Variants in PPP6R3 observed in about 807,000 individuals in gnomAD.
The protein encoded by PPP6R3 is protein phosphatase 6 regulatory subunit 3.
In PPP6R3, 38 loss-of-function variants were observed where a neutral mutation model predicts 110.7. The ratio of observed to expected loss-of-function variants is 0.34; its 90% CI spans 0.26 to 0.45. The LOEUF (loss-of-function observed/expected upper bound fraction) is 0.45. Among genes scored for constraint, PPP6R3 ranks in the 20% least tolerant of loss-of-function variants. The pLI is 1.00. For synonymous variants in PPP6R3, 369 were observed against 373.5 expected (o/e 0.99, Z 0.14); for missense variants, 870 against 1,062.4 (o/e 0.82, Z 2.52).
At chr11:68,505,228 A>G (rs1027746866) in intron 1 of PPP6R3, 2 of 152,098 alleles carry the variant, frequency 1.3e-5, no homozygotes, top group African/African-American at 4.8e-5. Flanking sequence ...GTCATATAAT[A>G]CCCTTGTGTC....
chr11:68,571,675 G>T (rs142944275), intron 12 of PPP6R3, among the ~76,000 whole-genome samples: 1 of 152,320 alleles, frequency 6.6e-6, no homozygotes, highest in African/African-American at 2.4e-5. Context: ...CCTCTCTAGT[G>T]CCCTGGAAGC....
intron 18 of PPP6R3, among the ~76,000 whole-genome samples, chr11:68,595,297 C>G (rs977432245): frequency 6.9e-6 from 1 of 145,542 alleles, no homozygotes; most frequent in Non-Finnish European, 1.5e-5. Context: ...CTCACTGCAG[C>G]CTCTGCCTCC....
At chr11:68,591,789 C>T in intron 18 of PPP6R3, 83 bp downstream of exon 18, 1 of 1,427,116 alleles carries the variant, frequency 7.0e-7, no homozygotes, top group Non-Finnish European at 9.3e-7. Context: ...GTGTCATCAC[C>T]AAACATACAT....
chr11:68,473,023 A>G (rs562682997), intron 1 of PPP6R3, among the ~76,000 whole-genome samples: 2 of 152,292 alleles, frequency 1.3e-5, no homozygotes, highest in South Asian at 2.1e-4. Context: ...TTTGAAATAT[A>G]TAGTTGATTT....
intron 14 of PPP6R3, 31 bp from the exon 15 acceptor site, chr11:68,583,012 T>G: frequency 7.2e-7 from 1 of 1,394,194 alleles, no homozygotes; most frequent in Non-Finnish European, 9.7e-7. Context: ...TTTTCTATGT[T>G]AAATAGTCTT....
chr11:68,481,261 T>A (rs1484199461), intron 1 of PPP6R3, among the ~76,000 whole-genome samples: 2 of 152,166 alleles, frequency 1.3e-5, no homozygotes, highest in Admixed American at 6.5e-5. Flanking sequence ...GTACTGGAGT[T>A]CATTTTGTGA....
chr11:68,466,433 CTTTTTTT>C (rs906791744), intron 1 of PPP6R3, among the ~76,000 whole-genome samples: 2 of 125,398 alleles, frequency 1.6e-5, no homozygotes, highest in Admixed American at 1.6e-4. Flanking sequence ...AGGACATTTT[CTTTTTTT>C]TTTTTTTTTT....
At chr11:68,573,308 G>A (rs1031783924) in intron 12 of PPP6R3, among the ~76,000 whole-genome samples, 1 of 151,044 alleles carries the variant, frequency 6.6e-6, no homozygotes, top group Non-Finnish European at 1.5e-5. Context: ...GCACCACCAC[G>A]CCTGGCTAAT....
chr11:68,607,290 GAT>G (rs1444125440), intron 22 of PPP6R3, among the ~76,000 whole-genome samples: 2 of 152,202 alleles, frequency 1.3e-5, no homozygotes, highest in African/African-American at 4.8e-5. Context: ...GAACAGTTTT[GAT>G]ATTAGTGTCC....
intron 7 of PPP6R3, among the ~76,000 whole-genome samples, chr11:68,557,935 A>G (rs1027113383): frequency 3.3e-5 from 5 of 152,220 alleles, no homozygotes; most frequent in Non-Finnish European, 7.3e-5. Context: ...TTATCTTACT[A>G]TGTATGAGAG....
intron 1 of PPP6R3, among the ~76,000 whole-genome samples, chr11:68,469,288 A>G (rs2098771776): frequency 6.6e-6 from 1 of 152,136 alleles, no homozygotes; most frequent in Admixed American, 6.5e-5. Context: ...TGCCTGCTCT[A>G]ATCTGTTTTG....
chr11:68,594,334 G>A (rs1593815665), intron 18 of PPP6R3, among the ~76,000 whole-genome samples: 1 of 113,364 alleles, frequency 8.8e-6, no homozygotes, highest in Admixed American at 7.8e-5. Context: ...GAGAGAGAGA[G>A]TGAGAGAGAG....
intron 1 of PPP6R3, among the ~76,000 whole-genome samples, chr11:68,499,479 C>G (rs989377843): frequency 6.6e-6 from 1 of 152,072 alleles, no homozygotes; most frequent in African/African-American, 2.4e-5. Flanking sequence ...GAAAGAGCCC[C>G]TAAGTGGAAG....
At position 68,548,136 on chromosome 11, in the gene PPP6R3, A is replaced by G. The variant is rs1039365878; in HGVS notation, c.484A>G (p.Ile162Val). 1.1e-5 allele frequency: 17 copies of G among 1,613,732 alleles called. No homozygotes were observed. The highest frequency in any genetic ancestry group is 1.3e-5 in the African/African-American group (1 of 74,916). Residue 162 changes from isoleucine to valine, a missense_variant, in exon 5 of 24, where the codon ATC (isoleucine) becomes GTC (valine). Transcript: ENST00000393800. The stretch of plus-strand genomic sequence containing the variant: ...TATAAAGCACATAGGAACTTCTGCT[A>G]TCATGGATTTGTTGCTCAGGCTCCT... The part of the protein sequence containing the change: ...LIIKHIGTSA[I>V]MDLLLRLLTC...
At chr11:68,543,348 C>T (rs1360466150) in intron 3 of PPP6R3, among the ~76,000 whole-genome samples, 1 of 151,276 alleles carries the variant, frequency 6.6e-6, no homozygotes, top group Non-Finnish European at 1.5e-5. Flanking sequence ...GCCCATGCTA[C>T]GTAAATTGAG....
intron 19 of PPP6R3, among the ~76,000 whole-genome samples, chr11:68,598,811 G>A (rs2099621775): frequency 6.6e-6 from 1 of 152,172 alleles, no homozygotes; most frequent in Admixed American, 6.5e-5. Context: ...AGAGTGGGCA[G>A]GCAAAAATAA....
At chr11:68,475,574 TG>T (rs2098823609) in intron 1 of PPP6R3, among the ~76,000 whole-genome samples, 2 of 141,762 alleles carry the variant, frequency 1.4e-5, no homozygotes, top group African/African-American at 2.6e-5. Context: ...ACGGGGCGGC[TG>T]GCCGGGCGGG....
At chr11:68,506,050 T>TC (rs1485859161) in intron 1 of PPP6R3, among the ~76,000 whole-genome samples, 5 of 150,852 alleles carry the variant, frequency 3.3e-5, no homozygotes, top group Non-Finnish European at 4.4e-5. Context: ...TTTCCTTTTT[T>TC]CCCCCCGCGT....
At chr11:68,466,847 T>G (rs1332031723) in intron 1 of PPP6R3, among the ~76,000 whole-genome samples, 2 of 152,204 alleles carry the variant, frequency 1.3e-5, no homozygotes, top group East Asian at 3.9e-4. Context: ...TCTCCTGACC[T>G]TGTGATCCGC....
Sources: gnomAD v4.1 joint callset for allele counts (sites outside exome capture counted in the v4.1 genomes callset) on GRCh38, gnomAD v4.1.1 for gene constraint, MANE v1.5 for transcripts, NCBI Gene and HGNC (gene_info 2026-07-23, HGNC 2026-07-21) for gene names.